The following CADM2 variants were observed in gnomAD, a reference collection of about 807,000 sequenced individuals.
CADM2 encodes cell adhesion molecule 2.
In CADM2, 12 loss-of-function variants were observed where a neutral mutation model predicts 49.8. The observed-to-expected ratio is 0.24, with a 90% CI of 0.15 to 0.39. CADM2 has a LOEUF of 0.39. Ranked by LOEUF, CADM2 falls within the 10% of genes least tolerant of loss-of-function variation. The pLI is 1.00. For synonymous variants in CADM2, 214 were observed against 175.4 expected, an observed-to-expected ratio of 1.22 and a Z score of -1.74; for missense variants, 378 against 492.3, an observed-to-expected ratio of 0.77 and a Z score of 2.20.
chr3:85,279,759 T>G (rs549500944), intron 1 of CADM2, among the ~76,000 whole-genome samples: 1 of 151,682 alleles, frequency 6.6e-6, no homozygotes, highest in Non-Finnish European at 1.5e-5. Context: ...ACCAATAATG[T>G]TAATGGGTTC....
intron 5 of CADM2, among the ~76,000 whole-genome samples, chr3:85,890,253 A>C (rs1458196931): frequency 6.6e-6 from 1 of 152,026 alleles, no homozygotes; most frequent in Non-Finnish European, 1.5e-5. Flanking sequence ...TTCTTGTGAG[A>C]GTTTGATTAG....
At chr3:85,188,124 A>T (rs912284246) in intron 1 of CADM2, among the ~76,000 whole-genome samples, 5 of 152,122 alleles carry the variant, frequency 3.3e-5, no homozygotes, top group African/African-American at 4.8e-5. Context: ...CTTAATTGCT[A>T]ATTGTAATTT....
chr3:84,973,239 G>A (rs1421829096), intron 1 of CADM2, among the ~76,000 whole-genome samples: 1 of 152,078 alleles, frequency 6.6e-6, no homozygotes, highest in East Asian at 1.9e-4. Flanking sequence ...ATCAAAATTA[G>A]ACATTTTATT....
chr3:85,923,537 C>CAAAA (rs57230094), intron 6 of CADM2, among the ~76,000 whole-genome samples: 6,995 of 136,540 alleles, frequency 0.051, 209 homozygotes, highest in Non-Finnish European at 0.08. Context: ...ATCATGAAAG[C>CAAAA]AAAAAAAAAA....
At chr3:85,820,903 C>G (rs577614386) in intron 3 of CADM2, among the ~76,000 whole-genome samples, 1 of 152,186 alleles carries the variant, frequency 6.6e-6, no homozygotes, top group Middle Eastern at 3.4e-3. Context: ...TTTAAATACT[C>G]TTTTTATTTT....
chr3:85,059,807 A>G (rs1203674652), intron 1 of CADM2, among the ~76,000 whole-genome samples: 1 of 152,194 alleles, frequency 6.6e-6, no homozygotes, highest in African/African-American at 2.4e-5. Flanking sequence ...TGTAAGTCCT[A>G]TAAACCTTTC....
At position 85,449,083 on chromosome 3, in the gene CADM2, A is replaced by ATAATAATAATAATT. The variant is rs59973385; in HGVS notation, c.62-277439_62-277438insTAATAATAATAATT. ...TAATAATAATAATAATAATGATAAA[A>ATAATAATAATAATT]ATTATATAATTCATTATACCATCTT... is the stretch of plus-strand genomic sequence containing the variant. On this transcript the variant is annotated intron_variant, in intron 1 of 9. Coordinates refer to ENST00000383699, the MANE Select transcript of CADM2 (RefSeq NM_001167675.2). Among the ~76,000 whole-genome samples, 855 of 148,228 alleles carry ATAATAATAATAATT rather than the reference A, an allele frequency of 5.8e-3. 6 individuals carry two copies. The highest frequency in any genetic ancestry group is 1.0e-2 in the Non-Finnish European group (671 of 67,118).
chr3:84,982,680 A>C (rs1256442084), intron 1 of CADM2, among the ~76,000 whole-genome samples: 1 of 145,850 alleles, frequency 6.9e-6, no homozygotes, highest in Non-Finnish European at 1.5e-5. Context: ...TTGTATTGAC[A>C]TATAGATTGA....
At chr3:85,894,876 A>C (rs1715003937) in intron 5 of CADM2, among the ~76,000 whole-genome samples, 1 of 152,216 alleles carries the variant, frequency 6.6e-6, no homozygotes, top group African/African-American at 2.4e-5. Flanking sequence ...GAGATTCTGG[A>C]ACCTCTGCCT....
At chr3:85,219,064 A>G (rs577468955) in intron 1 of CADM2, among the ~76,000 whole-genome samples, 1 of 152,296 alleles carries the variant, frequency 6.6e-6, no homozygotes, top group South Asian at 2.1e-4. Context: ...TCTCAACATC[A>G]ATTTGAAAGA....
intron 1 of CADM2, among the ~76,000 whole-genome samples, chr3:85,300,333 C>T (rs2044065115): frequency 6.6e-6 from 1 of 152,138 alleles, no homozygotes; most frequent in Admixed American, 6.6e-5. Context: ...GAATTATTTA[C>T]TTCATTCTGA....
At chr3:85,568,648 G>C in intron 1 of CADM2, among the ~76,000 whole-genome samples, 1 of 130,808 alleles carries the variant, frequency 7.6e-6, no homozygotes, top group Non-Finnish European at 1.5e-5. Flanking sequence ...TGTTGCCGAG[G>C]CTGGAGTGCA....
At chr3:86,005,865 C>T (rs942313890) in intron 8 of CADM2, among the ~76,000 whole-genome samples, 15 of 152,112 alleles carry the variant, frequency 9.9e-5, no homozygotes, top group African/African-American at 2.9e-4. Context: ...CGCAACCCCC[C>T]GACAGGACCC....
rs182614781 is a variant in CADM2, at chr3:85,141,093, C to T, written c.61+181425C>T. 4.6e-5 allele frequency among the ~76,000 whole-genome samples: 7 copies of T among 152,204 alleles called. No individual in the cohort carries two copies. In the East Asian group the frequency reaches 1.4e-3, roughly 29 times the overall value. Reference sequence around the variant, plus strand: ...ATTTTCTTCTGTGAGGCTTCATATTCTGCAAAACCCTGGATTTCATATGAG... The same window carrying T: ...ATTTTCTTCTGTGAGGCTTCATATTTTGCAAAACCCTGGATTTCATATGAG... On this transcript the variant is annotated intron_variant, in intron 1 of 9. Transcript: ENST00000383699.
intron 1 of CADM2, among the ~76,000 whole-genome samples, chr3:85,291,994 A>T (rs2043811853): frequency 6.6e-6 from 1 of 152,154 alleles, no homozygotes; most frequent in Admixed American, 6.5e-5. Context: ...ATAGACTGGC[A>T]AATTGGATAA....
intron 1 of CADM2, among the ~76,000 whole-genome samples, chr3:85,629,102 C>A (rs1283888698): frequency 6.6e-6 from 1 of 151,572 alleles, no homozygotes; most frequent in Non-Finnish European, 1.5e-5. Flanking sequence ...TCTCTGTGAA[C>A]CTCAGACAGC....
At chr3:85,796,223 T>C (rs577243531) in intron 2 of CADM2, among the ~76,000 whole-genome samples, 2 of 152,332 alleles carry the variant, frequency 1.3e-5, no homozygotes, top group South Asian at 4.1e-4. Context: ...TTATGCATTA[T>C]ATCAATATCA....
In CADM2 at chr3:85,429,566, G is replaced by A. The variant is rs2036573617; in HGVS notation, c.62-296956G>A. 3.3e-5 allele frequency among the ~76,000 whole-genome samples: 5 copies of A among 151,826 alleles called. No individual in the cohort carries two copies. In the South Asian group the frequency reaches 1.0e-3, roughly 31 times the overall value. On this transcript the variant is annotated intron_variant, in intron 1 of 9. Coordinates refer to ENST00000383699, the MANE Select transcript of CADM2 (RefSeq NM_001167675.2). ...AAATGAAATGGTTGGTTATATTCAT[G>A]GCATGAACTCAGATTTAAATATCAT...
chr3:85,158,646 A>T (rs1199521399), intron 1 of CADM2, among the ~76,000 whole-genome samples: 2 of 152,100 alleles, frequency 1.3e-5, no homozygotes, highest in African/African-American at 4.8e-5. Flanking sequence ...AACAATGAGA[A>T]CACATGGACA....
Sources: gnomAD v4.1 joint callset for allele counts (sites outside exome capture counted in the v4.1 genomes callset) on GRCh38, gnomAD v4.1.1 for gene constraint, MANE v1.5 for transcripts, NCBI Gene and HGNC (gene_info 2026-07-23, HGNC 2026-07-21) for gene names.